UBA6: variants seen among roughly 807,000 people sequenced by gnomAD.
UBA6 encodes ubiquitin like modifier activating enzyme 6.
In UBA6, 87 loss-of-function variants were observed where a neutral mutation model predicts 148.3. The observed-to-expected ratio is 0.59, with a 90% CI of 0.49 to 0.70. The LOEUF is 0.70. UBA6 is among the 30% of genes least tolerant of loss of function. UBA6 has a pLI of 0.00. For missense variants in UBA6, 1,186 were observed against 1,241.2 expected (o/e 0.96, Z 0.67); for synonymous variants, 376 against 401.0 (o/e 0.94, Z 0.75).
rs140958276 is a variant in UBA6 at position 67,673,911 on chromosome 4, G to A, written c.466-134C>T. 3,247 of 472,450 alleles carry A rather than the reference G, an allele frequency of 6.9e-3. 50 individuals are homozygous for A. The highest frequency in any genetic ancestry group is 4.3e-3 in the Non-Finnish European group (1,165 of 269,780). The allele number at this position is 472,450 out of a possible 1,614,324, so 29.3% of individuals were successfully genotyped here. On this transcript the variant is annotated intron_variant, in intron 6 of 32. Transcript: ENST00000322244. ...TCTCATTGAAAAGTTATAATCCTAC[G>A]GAATTCCATTCCAAGGTTAATACCT...
chr4:67,657,544 T>G (rs1325027976), intron 13 of UBA6, among the ~76,000 whole-genome samples: 3 of 152,126 alleles, frequency 2.0e-5, no homozygotes, highest in Non-Finnish European at 4.4e-5. Flanking sequence ...ATTAAAGAAT[T>G]AAATGTAAGA....
chr4:67,699,600 GTTTCT>G (rs780727398), intron 1 of UBA6, among the ~76,000 whole-genome samples: 8 of 151,928 alleles, frequency 5.3e-5, no homozygotes, highest in African/African-American at 1.5e-4. Flanking sequence ...AACAAAATTT[GTTTCT>G]TTTCTTTTTT....
Position 67,698,396 on chromosome 4 carries a change from A to G in UBA6, c.72-1689T>C, listed in dbSNP as rs1391088483. ...AGTACCAGGCATTTAATAATAATAG[A>G]TAACCCTGTGCTACATATTTAAGTG... is the stretch of plus-strand genomic sequence containing the variant. On this transcript the variant is annotated intron_variant, in intron 1 of 32. Transcript: ENST00000322244. Among the ~76,000 whole-genome samples the G allele has an allele frequency of 3.3e-5, 5 of 152,236 alleles. No individual in the cohort carries two copies. In the East Asian group the frequency reaches 9.6e-4, roughly 29 times the overall value.
Position 67,701,144 on chromosome 4 carries a change from C to A in UBA6, c.-25G>T. On this transcript the variant is annotated 5_prime_UTR_variant, in exon 1 of 33. Coordinates refer to ENST00000322244, the MANE Select transcript of UBA6 (RefSeq NM_018227.6). ...TTGCCGCCTGAGACACCGCCGCCGG[C>A]TACTGGAAGGTAGGAAGGGGCGGGA... The A allele has an allele frequency of 6.2e-7, 1 of 1,608,952 alleles. No homozygotes were observed. The highest frequency in any genetic ancestry group is 8.5e-7 in the Non-Finnish European group (1 of 1,178,962).
intron 30 of UBA6, among the ~76,000 whole-genome samples, chr4:67,623,844 A>G (rs958631953): frequency 6.6e-6 from 1 of 152,008 alleles, no homozygotes; most frequent in African/African-American, 2.4e-5. Flanking sequence ...AAATCTCATG[A>G]CCTACAGTCA....
intron 13 of UBA6, among the ~76,000 whole-genome samples, chr4:67,657,826 CAAAAAAA>C (rs57984969): frequency 8.9e-4 from 102 of 115,146 alleles, no homozygotes; most frequent in Admixed American, 2.5e-3. Context: ...AACAAATTTA[CAAAAAAA>C]AAAAAAAAAA....
In UBA6 at chr4:67,617,350, G is replaced by T. The variant is rs994815983; in HGVS notation, c.*1647C>A. The T allele has an allele frequency of 6.6e-6, 1 of 152,068 alleles. No individual in the cohort carries two copies. The highest frequency in any genetic ancestry group is 2.4e-5 in the African/African-American group (1 of 41,428). The allele number at this position is 152,068 out of a possible 1,614,324, so 9.4% of individuals were successfully genotyped here. On this transcript the variant is annotated 3_prime_UTR_variant, in exon 33 of 33. Coordinates refer to ENST00000322244, the MANE Select transcript of UBA6 (RefSeq NM_018227.6). ...AAGCCACAGAGCCTTGATATTCCTG[G>T]ATTCTGTTTTAAGTAACCTTAGTTT...
At chr4:67,649,486 C>T (rs946511091) in intron 13 of UBA6, among the ~76,000 whole-genome samples, 3 of 152,044 alleles carry the variant, frequency 2.0e-5, no homozygotes, top group African/African-American at 7.2e-5. Context: ...GAATATCTAC[C>T]ATTTATAGTT....
Position 67,616,425 on chromosome 4 carries a change from G to C in UBA6, c.*2572C>G, listed in dbSNP as rs1200307039. 2 of 286,504 alleles carry C rather than the reference G, an allele frequency of 7.0e-6. No individual in the cohort carries two copies. The highest frequency in any genetic ancestry group is 4.3e-5 in the African/African-American group (2 of 46,350). 17.7% of individuals were successfully genotyped at this position (286,504 alleles called of 1,614,324 possible). A position where few individuals can be genotyped will look rare whatever the true frequency, so the allele number is the denominator to read the frequency against. On this transcript the variant is annotated 3_prime_UTR_variant, in exon 33 of 33. Coordinates refer to ENST00000322244, the MANE Select transcript of UBA6 (RefSeq NM_018227.6). ...ATGAATATCACCAGAGTGTGACATA[G>C]TAGATTAAAAAATAAAGATATACAT... is the stretch of plus-strand genomic sequence containing the variant.
chr4:67,693,446 T>C (rs1730746766), intron 2 of UBA6, among the ~76,000 whole-genome samples: 1 of 152,192 alleles, frequency 6.6e-6, no homozygotes, highest in African/African-American at 2.4e-5. Context: ...CATTTAAGCT[T>C]TGGGAGAGTC....
chr4:67,646,092 T>A lies in UBA6; in HGVS notation c.1317-76A>T, dbSNP rs1019448712. 3.9e-6 allele frequency: 3 copies of A among 774,012 alleles called. No homozygotes were observed. In the African/African-American group the frequency reaches 5.3e-5, roughly 14 times the overall value. 47.9% of individuals were successfully genotyped at this position (774,012 alleles called of 1,614,324 possible). A position where few individuals can be genotyped will look rare whatever the true frequency, so the allele number is the denominator to read the frequency against. On this transcript the variant is annotated intron_variant, in intron 15 of 32. Transcript: ENST00000322244. The stretch of plus-strand genomic sequence containing the variant: ...AGTTTCACTGTCATTAATACCAATT[T>A]AATGTTGTACTTTAAAAGGAAATAT...
At chr4:67,622,745 T>C (rs1187120077) in intron 32 of UBA6, 86 bp downstream of exon 32, 12 of 934,734 alleles carry the variant, frequency 1.3e-5, no homozygotes, top group Non-Finnish European at 1.8e-5. Flanking sequence ...ATCTGAATTA[T>C]AGTAACCTCT....
intron 2 of UBA6, among the ~76,000 whole-genome samples, chr4:67,693,756 T>G (rs1385883472): frequency 6.6e-6 from 1 of 152,170 alleles, no homozygotes; most frequent in East Asian, 1.9e-4. Flanking sequence ...CTGGAATTTA[T>G]CTTTATCTTA....
intron 2 of UBA6, among the ~76,000 whole-genome samples, chr4:67,695,233 G>GT (rs1730805490): frequency 6.6e-6 from 1 of 152,142 alleles, no homozygotes; most frequent in Non-Finnish European, 1.5e-5. Flanking sequence ...GAATCCCAAC[G>GT]TAAGAGTCCC....
chr4:67,662,985 G>T (rs1729901559), intron 12 of UBA6, 154 bp downstream of exon 12: 1 of 463,954 alleles, frequency 2.2e-6, no homozygotes, highest in Non-Finnish European at 3.8e-6. Context: ...CTCCCACCAG[G>T]AAAAGGACCA....
intron 6 of UBA6, among the ~76,000 whole-genome samples, chr4:67,675,244 T>G (rs1376223335): frequency 6.6e-6 from 1 of 152,242 alleles, no homozygotes; most frequent in Admixed American, 6.5e-5. Flanking sequence ...GTTTAATCTA[T>G]CCACTGAATT....
At position 67,645,115 on chromosome 4, in the gene UBA6, A is replaced by G. The variant is rs183248733; in HGVS notation, c.1396-337T>C. Among the ~76,000 whole-genome samples, 17 of 152,344 alleles carry G rather than the reference A, an allele frequency of 1.1e-4. No individual in the cohort carries two copies. The East Asian group carries it at 2.5e-3, about 22-fold the overall frequency. On this transcript the variant is annotated intron_variant, in intron 16 of 32. Transcript: ENST00000322244. Reference sequence around the variant, plus strand: ...AGACTTCTACTATTATCTAAAATTGATAATACTAGATTCCATATGCATGTA... The same window carrying G: ...AGACTTCTACTATTATCTAAAATTGGTAATACTAGATTCCATATGCATGTA...
At chr4:67,619,399 A>C (rs1273300790) in intron 32 of UBA6, among the ~76,000 whole-genome samples, 1 of 152,200 alleles carries the variant, frequency 6.6e-6, no homozygotes, top group African/African-American at 2.4e-5. Context: ...AAAAAGGCTC[A>C]GCGTGGTGGC....
At chr4:67,683,825 C>G (rs1730497063) in intron 2 of UBA6, among the ~76,000 whole-genome samples, 1 of 152,142 alleles carries the variant, frequency 6.6e-6, no homozygotes, top group Admixed American at 6.5e-5. Flanking sequence ...ATAATCCCAG[C>G]ACTTTGGGAG....
Sources: allele counts gnomAD v4.1 joint callset (sites outside exome capture counted in the v4.1 genomes callset), GRCh38; gene constraint gnomAD v4.1.1; transcripts MANE v1.5; gene names NCBI Gene and HGNC (gene_info 2026-07-23, HGNC 2026-07-21).